Variants in RBFOX1 observed in about 807,000 individuals in gnomAD.
RBFOX1 encodes the protein RNA binding protein fox-1 homolog 1.
In RBFOX1, 8 loss-of-function variants were observed where a neutral mutation model predicts 57.7. That is an observed-to-expected ratio of 0.14 (90% CI 0.08 to 0.25). The LOEUF (loss-of-function observed/expected upper bound fraction) is 0.25. Among genes scored for constraint, RBFOX1 ranks in the 10% least tolerant of loss-of-function variants. The pLI is 1.00. For missense variants in RBFOX1, 611 were observed against 548.5 expected (o/e 1.11, Z -1.14); for synonymous variants, 326 against 222.4 (o/e 1.47, Z -4.15).
At chr16:5,584,595 G>T (rs560299856) in intron 2 of RBFOX1, among the ~76,000 whole-genome samples, 1 of 152,122 alleles carries the variant, frequency 6.6e-6, no homozygotes, top group Non-Finnish European at 1.5e-5. Flanking sequence ...TTTCCCTTGC[G>T]TGGCAGCACA....
At position 7,003,246 on chromosome 16, in the gene RBFOX1, G is replaced by T. The variant is rs2092992222; in HGVS notation, c.-15-48811G>T. Reference sequence around the variant, plus strand: ...GAGGCCGAGGTGGGTGGATCACAAGGTCAGCAGATCAAGACCATCCTGGCC... The same window carrying T: ...GAGGCCGAGGTGGGTGGATCACAAGTTCAGCAGATCAAGACCATCCTGGCC... On this transcript the variant is annotated intron_variant, in intron 3 of 15. Transcript: ENST00000550418. 2.0e-5 allele frequency among the ~76,000 whole-genome samples: 3 copies of T among 152,142 alleles called. No individual in the cohort carries two copies. In the South Asian group the frequency reaches 6.2e-4, roughly 32 times the overall value.
intron 4 of RBFOX1, among the ~76,000 whole-genome samples, chr16:5,978,677 TG>T (rs58677880): frequency 0.043 from 6,339 of 148,598 alleles, 380 homozygotes; most frequent in East Asian, 0.31. Flanking sequence ...TTTTTTTGTT[TG>T]TTTTTTTTTT....
chr16:6,175,242 AG>A (rs1243509619), intron 1 of RBFOX1, among the ~76,000 whole-genome samples: 4 of 152,326 alleles, frequency 2.6e-5, no homozygotes, highest in African/African-American at 9.6e-5. Context: ...GGAAAGAAAA[AG>A]GATGGTCTCC....
At chr16:5,972,684 C>T (rs377173513) in intron 4 of RBFOX1, among the ~76,000 whole-genome samples, 5 of 152,140 alleles carry the variant, frequency 3.3e-5, no homozygotes, top group African/African-American at 4.8e-5. Flanking sequence ...TTTGACCTTA[C>T]GGTGGCTCAG....
At chr16:6,288,435 A>T (rs866636314) in intron 1 of RBFOX1, among the ~76,000 whole-genome samples, 2 of 152,192 alleles carry the variant, frequency 1.3e-5, no homozygotes, top group East Asian at 3.9e-4. Context: ...CAAGTCATGG[A>T]CCACACTTTG....
intron 4 of RBFOX1, among the ~76,000 whole-genome samples, chr16:7,151,998 C>G (rs577863153): frequency 6.6e-6 from 1 of 152,320 alleles, no homozygotes; most frequent in East Asian, 1.9e-4. Context: ...TGGTTTCTAA[C>G]AGACCATGGA....
At chr16:6,350,478 A>C (rs796691090) in intron 2 of RBFOX1, among the ~76,000 whole-genome samples, 25,782 of 97,986 alleles carry the variant, frequency 0.26, 3,643 homozygotes, top group Middle Eastern at 0.41. Context: ...AAAAAAAAAA[A>C]AAAAAAAAAA....
At chr16:6,885,402 T>A (rs1466812418) in intron 3 of RBFOX1, among the ~76,000 whole-genome samples, 1 of 152,208 alleles carries the variant, frequency 6.6e-6, no homozygotes, top group Non-Finnish European at 1.5e-5. Flanking sequence ...AAACCAAGAA[T>A]TTACAAAACC....
At chr16:7,462,743 C>G (rs2059806033) in intron 4 of RBFOX1, among the ~76,000 whole-genome samples, 1 of 152,202 alleles carries the variant, frequency 6.6e-6, no homozygotes, top group African/African-American at 2.4e-5. Flanking sequence ...TGCTGGCTGT[C>G]AGCAGGGAGA....
chr16:5,318,603 A>C (rs150998595), intron 1 of RBFOX1, among the ~76,000 whole-genome samples: 102 of 152,318 alleles, frequency 6.7e-4, no homozygotes, highest in African/African-American at 2.2e-3. Flanking sequence ...AAACAAAAAA[A>C]CAAAACAAAA....
At chr16:7,017,253 C>G (rs2093962549) in intron 3 of RBFOX1, among the ~76,000 whole-genome samples, 1 of 152,148 alleles carries the variant, frequency 6.6e-6, no homozygotes, top group African/African-American at 2.4e-5. Context: ...GCAGCCTCGG[C>G]TGTGCTCTGC....
chr16:6,607,695 G>C (rs1422253327), intron 2 of RBFOX1, among the ~76,000 whole-genome samples: 4 of 151,968 alleles, frequency 2.6e-5, no homozygotes, highest in East Asian at 1.9e-4. Context: ...GTGGGCATGT[G>C]AGTGTGCAAA....
At chr16:6,618,448 G>A (rs1255575357) in intron 2 of RBFOX1, among the ~76,000 whole-genome samples, 4 of 152,172 alleles carry the variant, frequency 2.6e-5, no homozygotes, top group Non-Finnish European at 4.4e-5. Context: ...TGTGTCAGAA[G>A]TCCTACATTC....
intron 1 of RBFOX1, among the ~76,000 whole-genome samples, chr16:6,272,430 C>T (rs561194511): frequency 6.6e-6 from 1 of 152,230 alleles, no homozygotes; most frequent in East Asian, 1.9e-4. Flanking sequence ...ATGTGAAAAA[C>T]TGCAAAACTT....
At chr16:6,534,888 G>A (rs941359447) in intron 2 of RBFOX1, among the ~76,000 whole-genome samples, 1 of 152,176 alleles carries the variant, frequency 6.6e-6, no homozygotes, top group Non-Finnish European at 1.5e-5. Flanking sequence ...AAAGTCCAAT[G>A]AGGCATATCC....
At chr16:7,592,364 TA>T (rs1402849063) in intron 7 of RBFOX1, among the ~76,000 whole-genome samples, 39 of 152,222 alleles carry the variant, frequency 2.6e-4, no homozygotes, top group African/African-American at 8.9e-4. Flanking sequence ...TTCCTAAACA[TA>T]CTTAATGCTG....
intron 4 of RBFOX1, among the ~76,000 whole-genome samples, chr16:7,477,325 G>A (rs576405417): frequency 4.6e-5 from 7 of 152,234 alleles, no homozygotes; most frequent in African/African-American, 1.7e-4. Flanking sequence ...ATCTATTTCA[G>A]TTTGTATCTC....
chr16:6,821,583 G>T (rs1291979394), intron 3 of RBFOX1, among the ~76,000 whole-genome samples: 1 of 152,114 alleles, frequency 6.6e-6, no homozygotes, highest in African/African-American at 2.4e-5. Flanking sequence ...GGTAACCACT[G>T]GTCGGTCTGT....
chr16:5,724,680 C>T (rs1385132428), intron 3 of RBFOX1, among the ~76,000 whole-genome samples: 1 of 152,152 alleles, frequency 6.6e-6, no homozygotes, highest in Non-Finnish European at 1.5e-5. Flanking sequence ...TTCTTCACTT[C>T]TCCCATCACA....
Sources: allele counts gnomAD v4.1 joint callset (sites outside exome capture counted in the v4.1 genomes callset), GRCh38; gene constraint gnomAD v4.1.1; transcripts MANE v1.5; gene names NCBI Gene and HGNC (gene_info 2026-07-23, HGNC 2026-07-21).